MMAB: variants seen among roughly 807,000 people sequenced by gnomAD.
The protein encoded by MMAB is metabolism of cobalamin associated B, also known as corrinoid adenosyltransferase MMAB.
In MMAB, 17 loss-of-function variants were observed where a neutral mutation model predicts 30.6. That is an observed-to-expected ratio of 0.56 (90% CI 0.38 to 0.83). MMAB has a LOEUF of 0.83. Among genes scored for constraint, MMAB ranks in the 40% least tolerant of loss-of-function variants. The probability of loss-of-function intolerance (pLI) is 0.00; values close to 1 mark genes in which losing one functional copy is unlikely to be tolerated. For missense variants in MMAB, 311 were observed against 331.6 expected, an observed-to-expected ratio of 0.94 and a Z score of 0.48; for synonymous variants, 134 against 138.6, an observed-to-expected ratio of 0.97 and a Z score of 0.23.
rs749772021 is a variant in MMAB at position 109,556,988 on chromosome 12, C to T, written c.*40G>A. On this transcript the variant is annotated 3_prime_UTR_variant, in exon 9 of 9. Coordinates refer to ENST00000545712, the MANE Select transcript of MMAB (RefSeq NM_052845.4). ...GGCAAGCTCCTCTCTCCACGGCCATCGCCATGGAGGGATCCTCCAAGCTCC... is the reference window on the plus strand; with the variant it reads ...GGCAAGCTCCTCTCTCCACGGCCATTGCCATGGAGGGATCCTCCAAGCTCC... The T allele has an allele frequency of 1.2e-5, 16 of 1,371,578 alleles. No homozygotes were observed. The highest frequency in any genetic ancestry group is 1.4e-5 in the African/African-American group (1 of 69,812). 85.0% of individuals were successfully genotyped at this position (1,371,578 alleles called of 1,614,324 possible).
chr12:109,563,449 G>T (rs988316195), intron 4 of MMAB, among the ~76,000 whole-genome samples: 3 of 152,246 alleles, frequency 2.0e-5, no homozygotes, highest in Non-Finnish European at 4.4e-5. Context: ...ACCAGGCCAG[G>T]CGGGGCTCCC....
intron 2 of MMAB, among the ~76,000 whole-genome samples, chr12:109,570,423 C>T (rs140653279): frequency 1.3e-5 from 2 of 152,312 alleles, no homozygotes; most frequent in East Asian, 3.9e-4. Context: ...ACAGATGATA[C>T]ATAACAGAAA....
intron 8 of MMAB, 78 bp from the exon 9 acceptor site, chr12:109,557,214 G>T: frequency 1.0e-6 from 1 of 977,906 alleles, no homozygotes; most frequent in Non-Finnish European, 1.7e-6. Flanking sequence ...TCCCATATCC[G>T]CCTACAAGGA....
intron 3 of MMAB, chr12:109,567,106 G>A (rs182795484): frequency 2.2e-6 from 1 of 452,398 alleles, no homozygotes. Context: ...GGAGGCAGAG[G>A]TTGCAGTGAG....
chr12:109,568,631 T>G, intron 3 of MMAB, 139 bp downstream of exon 3: 1 of 761,482 alleles, frequency 1.3e-6, no homozygotes. Flanking sequence ...GACCAGCCTG[T>G]GCTTCAGGGC....
At position 109,566,643 on chromosome 12, in the gene MMAB, C is replaced by T. The variant is rs114003411; in HGVS notation, c.291-1467G>A. On this transcript the variant is annotated intron_variant, in intron 3 of 8. Coordinates refer to ENST00000545712, the MANE Select transcript of MMAB (RefSeq NM_052845.4). ...CAGTGAGTGCTGCCTGCTCCCTGCA[C>T]TCTGCAGCTCAGGAAGGTGGGGCTG... Among the ~76,000 whole-genome samples the T allele has an allele frequency of 6.0e-3, 919 of 152,330 alleles. 19 individuals carry two copies. The highest frequency in any genetic ancestry group is 0.021 in the African/African-American group (882 of 41,560).
chr12:109,573,420 A>T lies in MMAB; in HGVS notation c.61T>A (p.Cys21Ser), dbSNP rs763383858. ...TACAGGAGCCTGGCGGCGCCGAAGC[A>T]CCCGCGCAGGCCAAGACGGCTCCCC... ...GLGSRLGLRGCFGAARLLYPR... is the reference protein window; with the variant it reads ...GLGSRLGLRGSFGAARLLYPR... Residue 21 changes from cysteine (C) to serine (S), a missense_variant, in exon 1 of 9, where the codon TGC (cysteine) becomes AGC (serine). Physicochemically the swap from Cys to Ser is moderately radical, Grantham distance 112. Coordinates refer to ENST00000545712, the MANE Select transcript of MMAB (RefSeq NM_052845.4). The T allele has an allele frequency of 1.9e-5, 30 of 1,608,612 alleles. No individual in the cohort carries two copies. In the Middle Eastern group the frequency reaches 1.7e-3, roughly 92 times the overall value.
intron 1 of MMAB, among the ~76,000 whole-genome samples, chr12:109,572,860 A>C (rs944121384): frequency 2.6e-5 from 4 of 152,222 alleles, no homozygotes; most frequent in Non-Finnish European, 4.4e-5. Context: ...AAACAATGTA[A>C]ACAACTCAAG....
Position 109,561,858 on chromosome 12 carries a change from G to C in MMAB, c.349-6C>G, listed in dbSNP as rs761431471. 1 of 1,601,086 alleles carries C rather than the reference G, an allele frequency of 6.2e-7. No homozygotes were observed. The highest frequency in any genetic ancestry group is 1.3e-5 in the African/African-American group (1 of 74,762). ...TCCTGCAATGTGCACTGGATCTGGG[G>C]GGCGACAGAAAGTGACAGTCAAGAT... On this transcript the variant is annotated splice_polypyrimidine_tract_variant and splice_region_variant and intron_variant, in intron 4 of 8. Transcript: ENST00000545712. This position sits in a 1 kb window ranked among gnomAD's most constrained non-coding sequence, Gnocchi z 5.3.
At chr12:109,566,625 T>G (rs1415591420) in intron 3 of MMAB, among the ~76,000 whole-genome samples, 1 of 152,200 alleles carries the variant, frequency 6.6e-6, no homozygotes, top group Non-Finnish European at 1.5e-5. Context: ...GCCCAGTGAG[T>G]GCTGCCTGCT....
Position 109,561,984 on chromosome 12 carries a change from G to T in MMAB, c.349-132C>A. On this transcript the variant is annotated intron_variant, in intron 4 of 8. Coordinates refer to ENST00000545712, the MANE Select transcript of MMAB (RefSeq NM_052845.4). This position sits in a 1 kb window ranked among gnomAD's most constrained non-coding sequence, Gnocchi z 5.3. The stretch of plus-strand genomic sequence containing the variant: ...CTCATGAAGGGCTGTGATATGGTTT[G>T]GCAATGTGTCCCCATCCAAATCTCA... The T allele has an allele frequency of 1.3e-6, 1 of 770,290 alleles. No homozygotes were observed. The allele number at this position is 770,290 out of a possible 1,614,324, so 47.7% of individuals were successfully genotyped here.
At position 109,556,359 on chromosome 12, in the gene MMAB, A is replaced by G. The variant is rs758521481; in HGVS notation, c.*669T>C. ...TAGTGTTGTTCTCATCAGCATCTCC[A>G]TCCCTTTCAGAGGGGGTCCTCTAAG... On this transcript the variant is annotated 3_prime_UTR_variant, in exon 9 of 9. Transcript: ENST00000545712. 1 of 453,948 alleles carries G rather than the reference A, an allele frequency of 2.2e-6. No homozygotes were observed. The highest frequency in any genetic ancestry group is 1.6e-5 in the South Asian group (1 of 64,462). The allele number at this position is 453,948 out of a possible 1,614,324, so 28.1% of individuals were successfully genotyped here.
chr12:109,559,073 A>AC, intron 8 of MMAB, 23 bp downstream of exon 8: 2 of 1,602,092 alleles, frequency 1.2e-6, no homozygotes, highest in Non-Finnish European at 1.7e-6. Context: ...TCAGAGAGGA[A>AC]CCCCCAGGTT....
rs964874566 is a variant in MMAB at position 109,561,935 on chromosome 12, G to A, written c.349-83C>T. ...AATGTGCAGAGGCGCCACCTAATAC[G>A]CCGGCAAAGCCTGTGCCAGCTAGCT... On this transcript the variant is annotated intron_variant, in intron 4 of 8. Transcript: ENST00000545712. This position sits in a 1 kb window ranked among gnomAD's most constrained non-coding sequence, Gnocchi z 5.3. 6.0e-5 allele frequency: 73 copies of A among 1,220,068 alleles called. No individual in the cohort carries two copies. Among genetic ancestry groups the A allele is most frequent in the Admixed American group, 7.9e-5 (4 of 50,732 alleles). 75.6% of individuals were successfully genotyped at this position (1,220,068 alleles called of 1,614,324 possible).
rs774923670 is a variant in MMAB at position 109,561,725 on chromosome 12, G to C, written c.421+55C>G. 1 of 1,504,564 alleles carries C rather than the reference G, an allele frequency of 6.6e-7. No homozygotes were observed. The highest frequency in any genetic ancestry group is 1.4e-5 in the African/African-American group (1 of 72,310). The allele number at this position is 1,504,564 out of a possible 1,614,324, so 93.2% of individuals were successfully genotyped here. On this transcript the variant is annotated intron_variant, in intron 5 of 8. Coordinates refer to ENST00000545712, the MANE Select transcript of MMAB (RefSeq NM_052845.4). This position sits in a 1 kb window ranked among gnomAD's most constrained non-coding sequence, Gnocchi z 5.3. ...CCTGGGATCCCAGATGGTGACCCTAGGAGAGTCCCCTGACCCTAGGGCCCT... is the reference window on the plus strand; with the variant it reads ...CCTGGGATCCCAGATGGTGACCCTACGAGAGTCCCCTGACCCTAGGGCCCT...
In MMAB at chr12:109,559,119, C is replaced by T. The variant is rs769869903; in HGVS notation, c.621G>A (p.Ala207=). ...VPLVQMGETD[A]NVAKFLNRLS... Reference sequence around the variant, plus strand: ...ACCTGTTTAAGAACTTGGCCACGTTCGCATCGGTCTCTCCCATCTGGACAA... The same window carrying T: ...ACCTGTTTAAGAACTTGGCCACGTTTGCATCGGTCTCTCCCATCTGGACAA... The change falls in exon 8 of 9, where the codon GCG becomes GCA. Residue 207 remains alanine, a synonymous_variant. Transcript: ENST00000545712. 3.7e-6 allele frequency: 6 copies of T among 1,613,780 alleles called. No homozygotes were observed. Among genetic ancestry groups the T allele is most frequent in the Middle Eastern group, 1.6e-4 (1 of 6,082 alleles).
rs1235647147 is a variant in MMAB, at chr12:109,555,778, C to T, written c.*1250G>A. 4.4e-6 allele frequency: 2 copies of T among 453,912 alleles called. No individual in the cohort carries two copies. The highest frequency in any genetic ancestry group is 2.0e-5 in the African/African-American group (1 of 49,976). The allele number at this position is 453,912 out of a possible 1,614,324, so 28.1% of individuals were successfully genotyped here. A position where few individuals can be genotyped will look rare whatever the true frequency, so the allele number is the denominator to read the frequency against. ...AAGACACAAGTGAATATACCTGGCC[C>T]TCCTGCAAACTTTGCAGGCCAGGTG... On this transcript the variant is annotated 3_prime_UTR_variant, in exon 9 of 9. Coordinates refer to ENST00000545712, the MANE Select transcript of MMAB (RefSeq NM_052845.4).
At position 109,556,334 on chromosome 12, in the gene MMAB, T is replaced by C. The variant is rs1483269068; in HGVS notation, c.*694A>G. The C allele has an allele frequency of 1.3e-5, 6 of 453,568 alleles. No homozygotes were observed. The highest frequency in any genetic ancestry group is 9.4e-5 in the Admixed American group (4 of 42,534). 28.1% of individuals were successfully genotyped at this position (453,568 alleles called of 1,614,324 possible). ...ACAGGGAATGTTCACCTTCAAGTGGTAGTGTTGTTCTCATCAGCATCTCCA... is the reference window on the plus strand; with the variant it reads ...ACAGGGAATGTTCACCTTCAAGTGGCAGTGTTGTTCTCATCAGCATCTCCA... On this transcript the variant is annotated 3_prime_UTR_variant, in exon 9 of 9. Coordinates refer to ENST00000545712, the MANE Select transcript of MMAB (RefSeq NM_052845.4).
rs73414074 is a variant in MMAB, at chr12:109,554,400, G to A, written c.*2628C>T. Reference sequence around the variant, plus strand: ...TTCCAGGGAGCCTGACCTGGAGGCGGAGGAGGCATTTTCATGGGTGCAAAA... The same window carrying A: ...TTCCAGGGAGCCTGACCTGGAGGCGAAGGAGGCATTTTCATGGGTGCAAAA... On this transcript the variant is annotated 3_prime_UTR_variant, in exon 9 of 9. Coordinates refer to ENST00000545712, the MANE Select transcript of MMAB (RefSeq NM_052845.4). 9.6e-3 allele frequency: 4,373 copies of A among 454,064 alleles called. 145 individuals carry two copies. The highest frequency in any genetic ancestry group is 0.078 in the African/African-American group (3,914 of 50,098). 28.1% of individuals were successfully genotyped at this position (454,064 alleles called of 1,614,324 possible).
Sources: gnomAD v4.1 joint callset for allele counts (sites outside exome capture counted in the v4.1 genomes callset) on GRCh38, gnomAD v4.1.1 for gene constraint, Gnocchi (gnomAD v3.1) non-coding constraint, MANE v1.5 for transcripts, NCBI Gene and HGNC (gene_info 2026-07-23, HGNC 2026-07-21) for gene names.